PHF24: variants seen among roughly 807,000 people sequenced by gnomAD.
The protein encoded by PHF24 is Galpha inhibitory interacting protein.
In PHF24, 25 loss-of-function variants were observed where a neutral mutation model predicts 42.6. The ratio of observed to expected loss-of-function variants is 0.59; its 90% confidence interval spans 0.43 to 0.82. PHF24 has a LOEUF of 0.82. Among genes scored for constraint, PHF24 ranks in the 40% least tolerant of loss-of-function variants. The pLI is 0.00. For missense variants in PHF24, 470 were observed against 538.1 expected (o/e 0.87, Z 1.25); for synonymous variants, 185 against 204.8 (o/e 0.90, Z 0.83).
At chr9:34,744,150 C>A in the PHF24 span, among the ~76,000 whole-genome samples, 2 of 152,234 alleles carry the variant, frequency 1.3e-5, no homozygotes, top group East Asian at 3.9e-4. Flanking sequence ...ACCATAGCAC[C>A]CTGTTTCTCC....
chr9:34,924,193 T>G, the PHF24 span, among the ~76,000 whole-genome samples: 1 of 152,248 alleles, frequency 6.6e-6, no homozygotes, highest in African/African-American at 2.4e-5. Flanking sequence ...TTCCTGAAAT[T>G]TTTAAGACTT....
the PHF24 span, among the ~76,000 whole-genome samples, chr9:34,905,238 G>A: frequency 6.6e-6 from 1 of 152,100 alleles, no homozygotes; most frequent in Non-Finnish European, 1.5e-5. Context: ...GCAGAGGCAG[G>A]GAGGGCAATC....
the PHF24 span, chr9:34,723,458 A>G: frequency 1.3e-6 from 2 of 1,551,646 alleles, no homozygotes; most frequent in Non-Finnish European, 1.7e-6. Context: ...ACTTCTCCCC[A>G]CAGGGCTCTT....
At chr9:34,842,671 A>G in the PHF24 span, among the ~76,000 whole-genome samples, 2 of 152,214 alleles carry the variant, frequency 1.3e-5, no homozygotes, top group African/African-American at 4.8e-5. Context: ...CAGCACCTCG[A>G]TCTTGTACAT....
exon 8 of PHF24, chr9:34,978,232 C>T (rs1423109856): frequency 2.8e-6 from 2 of 712,718 alleles, no homozygotes; most frequent in Admixed American, 4.7e-5. Context: ...AGCGTCTTAA[C>T]TTGTCACTAA....
the PHF24 span, among the ~76,000 whole-genome samples, chr9:34,824,173 G>T: frequency 6.6e-6 from 1 of 152,218 alleles, no homozygotes; most frequent in African/African-American, 2.4e-5. Flanking sequence ...GGCTGGGCTA[G>T]TTCTGCAACA....
At chr9:34,971,411 G>T (rs560259856) in exon 2 of PHF24, 1 of 1,614,190 alleles carries the variant, frequency 6.2e-7, no homozygotes, top group Admixed American at 1.7e-5. Flanking sequence ...CGACGCACAG[G>T]TGAGCTGCCA....
chr9:34,893,240 C>G, the PHF24 span: 1 of 441,204 alleles, frequency 2.3e-6, no homozygotes, highest in Non-Finnish European at 4.0e-6. Context: ...TTGTCCTTTC[C>G]CAGTCCTGAA....
chr9:34,900,047 T>C, the PHF24 span, among the ~76,000 whole-genome samples: 2 of 152,108 alleles, frequency 1.3e-5, no homozygotes, highest in Admixed American at 1.3e-4. Context: ...CCCCTCACAC[T>C]CAAAATTTGA....
chr9:34,849,231 A>C, the PHF24 span, among the ~76,000 whole-genome samples: 1,112 of 152,002 alleles, frequency 7.3e-3, 21 homozygotes, highest in African/African-American at 0.026. Context: ...ATTGTGTGGG[A>C]GTCTAAGTCT....
chr9:34,848,913 G>T, the PHF24 span, among the ~76,000 whole-genome samples: 1 of 152,134 alleles, frequency 6.6e-6, no homozygotes, highest in Admixed American at 6.6e-5. Flanking sequence ...GAGCGGTTTT[G>T]AGTGAGTTTC....
chr9:34,769,270 C>G, the PHF24 span, among the ~76,000 whole-genome samples: 1 of 152,132 alleles, frequency 6.6e-6, no homozygotes, highest in African/African-American at 2.4e-5. Context: ...CACCCAACAC[C>G]ACGCCTGGCT....
chr9:34,766,369 G>A, the PHF24 span, among the ~76,000 whole-genome samples: 2 of 152,118 alleles, frequency 1.3e-5, no homozygotes, highest in African/African-American at 4.8e-5. Context: ...TTTTCACATA[G>A]TCCCATATTT....
chr9:34,723,117 C>A, the PHF24 span: 20 of 1,280,776 alleles, frequency 1.6e-5, no homozygotes, highest in Admixed American at 2.8e-5. Flanking sequence ...ATGGAAATGA[C>A]AATACTGGTC....
chr9:34,689,775 C>T, the PHF24 span: 4 of 1,613,002 alleles, frequency 2.5e-6, no homozygotes, highest in African/African-American at 1.3e-5. This position sits in a 1 kb window ranked among gnomAD's most constrained non-coding sequence, Gnocchi z 4.1. Flanking sequence ...TAATAATTCA[C>T]AATGCTTGAC....
chr9:34,783,055 T>C, the PHF24 span, among the ~76,000 whole-genome samples: 1 of 152,186 alleles, frequency 6.6e-6, no homozygotes, highest in Non-Finnish European at 1.5e-5. Flanking sequence ...GCCTCCAGAA[T>C]TCCCAATTGA....
the PHF24 span, chr9:34,724,132 C>G: frequency 6.5e-7 from 1 of 1,544,482 alleles, no homozygotes; most frequent in Non-Finnish European, 8.7e-7. Flanking sequence ...GGGCTGGGTC[C>G]TTGCTCTTGC....
At chr9:34,885,950 A>G in the PHF24 span, among the ~76,000 whole-genome samples, 1 of 151,302 alleles carries the variant, frequency 6.6e-6, no homozygotes, top group Non-Finnish European at 1.5e-5. Flanking sequence ...GCCCATACCC[A>G]TGGTCCCTTC....
the PHF24 span, chr9:34,832,762 A>G: frequency 1.9e-6 from 3 of 1,550,452 alleles, no homozygotes; most frequent in Admixed American, 2.0e-5. Flanking sequence ...TGGCCCTGCA[A>G]AGGCTTAGCC....
Sources: gnomAD v4.1 joint callset for allele counts (sites outside exome capture counted in the v4.1 genomes callset) on GRCh38, gnomAD v4.1.1 for gene constraint, Gnocchi (gnomAD v3.1) non-coding constraint, MANE v1.5 for transcripts, NCBI Gene and HGNC (gene_info 2026-07-23, HGNC 2026-07-21) for gene names.